DISP1: variants seen among roughly 807,000 people sequenced by gnomAD.
DISP1 encodes the protein protein dispatched homolog 1.
In DISP1, 30 loss-of-function variants were observed where a neutral mutation model predicts 37.3. The observed-to-expected ratio is 0.80, with a 90% CI of 0.60 to 1.09. DISP1 has a LOEUF of 1.09. Among genes scored for constraint, DISP1 ranks in the 50% least tolerant of loss-of-function variants. The probability of loss-of-function intolerance (pLI) is 0.00; values close to 1 mark genes in which losing one functional copy is unlikely to be tolerated. For missense variants in DISP1, 1,598 were observed against 1,879.5 expected, an observed-to-expected ratio of 0.85 and a Z score of 2.77; for synonymous variants, 634 against 690.2, an observed-to-expected ratio of 0.92 and a Z score of 1.28.
intron 1 of DISP1, among the ~76,000 whole-genome samples, chr1:222,848,468 G>T (rs951253791): frequency 2.0e-5 from 3 of 151,998 alleles, no homozygotes; most frequent in African/African-American, 7.3e-5. Context: ...AAACTTGTAG[G>T]ATTCTTAATT....
intron 1 of DISP1, among the ~76,000 whole-genome samples, chr1:222,846,133 T>C (rs902219122): frequency 5.3e-5 from 8 of 152,244 alleles, no homozygotes; most frequent in East Asian, 3.8e-4. Context: ...ACTATGGATT[T>C]TTTTCTGTTT....
At chr1:222,953,086 G>A (rs892426545) in intron 3 of DISP1, among the ~76,000 whole-genome samples, 1 of 152,170 alleles carries the variant, frequency 6.6e-6, no homozygotes, top group African/African-American at 2.4e-5. Context: ...TTTTTCTCCA[G>A]GATAGAGAAG....
At chr1:222,863,613 A>G (rs1377099896) in intron 1 of DISP1, among the ~76,000 whole-genome samples, 1 of 151,948 alleles carries the variant, frequency 6.6e-6, no homozygotes, top group Non-Finnish European at 1.5e-5. Flanking sequence ...ACTTACACTC[A>G]ATAATTTTAG....
chr1:222,852,762 A>G (rs1213088471), intron 1 of DISP1, among the ~76,000 whole-genome samples: 3 of 152,206 alleles, frequency 2.0e-5, no homozygotes, highest in Admixed American at 2.0e-4. Context: ...AATCAAACCA[A>G]ATGAACAAAC....
intron 1 of DISP1, among the ~76,000 whole-genome samples, chr1:222,855,323 G>A (rs1448002093): frequency 1.3e-5 from 2 of 152,148 alleles, no homozygotes; most frequent in Non-Finnish European, 2.9e-5. Flanking sequence ...TTGGGAACTA[G>A]TTAAGATCTG....
At chr1:222,969,388 T>C (rs144531534) in intron 3 of DISP1, among the ~76,000 whole-genome samples, 1 of 29,726 alleles carries the variant, frequency 3.4e-5, no homozygotes, top group Non-Finnish European at 7.8e-5. Context: ...AAAAAAAAAA[T>C]TACAAAGAAA....
chr1:222,837,129 G>A, intron 1 of DISP1: 1 of 398,272 alleles, frequency 2.5e-6, no homozygotes, highest in Middle Eastern at 6.3e-4. Flanking sequence ...GAAGAGATGC[G>A]GGCAACTTTT....
At chr1:222,845,263 T>C (rs1279194800) in intron 1 of DISP1, among the ~76,000 whole-genome samples, 2 of 152,186 alleles carry the variant, frequency 1.3e-5, no homozygotes, top group African/African-American at 2.4e-5. Flanking sequence ...TGAAGTATTG[T>C]AAGTGCATTC....
At chr1:222,871,754 C>G (rs1011480832) in intron 1 of DISP1, among the ~76,000 whole-genome samples, 1 of 152,184 alleles carries the variant, frequency 6.6e-6, no homozygotes, top group Non-Finnish European at 1.5e-5. Flanking sequence ...TTGACTTCCT[C>G]TTTTCCTAAT....
intron 1 of DISP1, among the ~76,000 whole-genome samples, chr1:222,894,679 G>A (rs1490247325): frequency 6.6e-6 from 1 of 152,128 alleles, no homozygotes; most frequent in East Asian, 1.9e-4. Flanking sequence ...GCTGCGCCTG[G>A]GAGCATGGGG....
At chr1:222,980,563 C>G (rs984645571) in intron 3 of DISP1, among the ~76,000 whole-genome samples, 2 of 152,042 alleles carry the variant, frequency 1.3e-5, no homozygotes, top group African/African-American at 4.8e-5. Context: ...TCAAAGATCC[C>G]CATTCATTAA....
intron 2 of DISP1, among the ~76,000 whole-genome samples, chr1:222,936,800 T>TCA (rs61201340): frequency 8.1e-4 from 52 of 64,144 alleles, no homozygotes; most frequent in African/African-American, 1.6e-3. Flanking sequence ...ATATAATATA[T>TCA]TATATATATA....
At chr1:222,866,323 TTTG>T (rs34788109) in intron 1 of DISP1, among the ~76,000 whole-genome samples, 137 of 149,762 alleles carry the variant, frequency 9.1e-4, no homozygotes, top group African/African-American at 2.8e-3. Context: ...CCGGGATAGT[TTTG>T]TTGTTGTTGT....
chr1:222,847,187 A>G (rs985086000), intron 1 of DISP1, among the ~76,000 whole-genome samples: 2 of 152,198 alleles, frequency 1.3e-5, no homozygotes, highest in Non-Finnish European at 2.9e-5. Flanking sequence ...TGGAAATGAC[A>G]TACGTTAAGC....
chr1:222,896,588 G>A (rs1671270757), intron 1 of DISP1, among the ~76,000 whole-genome samples: 1 of 149,898 alleles, frequency 6.7e-6, no homozygotes, highest in Non-Finnish European at 1.5e-5. Flanking sequence ...GTGACAGAGT[G>A]AGACTCTATC....
intron 1 of DISP1, among the ~76,000 whole-genome samples, chr1:222,820,960 CTTATT>C (rs1307878227): frequency 2.6e-5 from 4 of 151,840 alleles, no homozygotes; most frequent in African/African-American, 7.3e-5. Context: ...TTTTTTTAAA[CTTATT>C]TTATTTTATT....
At chr1:222,868,643 C>G (rs191160167) in intron 1 of DISP1, among the ~76,000 whole-genome samples, 1 of 152,152 alleles carries the variant, frequency 6.6e-6, no homozygotes, top group African/African-American at 2.4e-5. Context: ...AATGAACTTA[C>G]AACAGTGATG....
chr1:222,921,899 A>G (rs1672825481), intron 1 of DISP1, among the ~76,000 whole-genome samples: 1 of 152,210 alleles, frequency 6.6e-6, no homozygotes, highest in South Asian at 2.1e-4. Flanking sequence ...ACCACAATAA[A>G]AAAAGACATG....
At chr1:222,853,273 G>C (rs1026420295) in intron 1 of DISP1, among the ~76,000 whole-genome samples, 1 of 152,176 alleles carries the variant, frequency 6.6e-6, no homozygotes, top group Non-Finnish European at 1.5e-5. Flanking sequence ...TGGAGATGTG[G>C]ATAAAAGGGA....
Sources: gnomAD v4.1 joint callset for allele counts (sites outside exome capture counted in the v4.1 genomes callset) on GRCh38, gnomAD v4.1.1 for gene constraint, MANE v1.5 for transcripts, NCBI Gene and HGNC (gene_info 2026-07-23, HGNC 2026-07-21) for gene names.